Variants in CDH18 observed in about 807,000 individuals in gnomAD.
CDH18 encodes cadherin-18.
In CDH18, 31 loss-of-function variants were observed where a neutral mutation model predicts 67.9. That is an observed-to-expected ratio of 0.46 (90% CI 0.34 to 0.62). The LOEUF (loss-of-function observed/expected upper bound fraction) is 0.62, where lower values mean the gene tolerates loss of function less well. CDH18 is among the 20% of genes least tolerant of loss of function. The pLI, the probability that CDH18 is intolerant of heterozygous loss-of-function variation, is 0.01. For synonymous variants in CDH18, 362 were observed against 347.2 expected (o/e 1.04, Z -0.48); for missense variants, 890 against 975.5 (o/e 0.91, Z 1.17).
chr5:19,744,309 G>A (rs1346614282), intron 4 of CDH18, among the ~76,000 whole-genome samples: 2 of 152,040 alleles, frequency 1.3e-5, no homozygotes, highest in Non-Finnish European at 2.9e-5. Flanking sequence ...ATCTCAGTAA[G>A]AGAACTTAAG....
At chr5:20,240,283 G>T (rs553985087) in intron 2 of CDH18, among the ~76,000 whole-genome samples, 1,342 of 107,510 alleles carry the variant, frequency 0.012, 23 homozygotes, top group African/African-American at 0.039. Context: ...CTAAAAAAAA[G>T]TTGGCAATTA....
In CDH18 at chr5:20,374,514, C is replaced by A. The variant is rs548229449; in HGVS notation, c.-579-119009G>T. ...ATCTAAGGAATTCCCTAGTGTTTTA[C>A]AAAATATTGTAAAGGCTGAAACATT... On this transcript the variant is annotated intron_variant, in intron 1 of 14. Coordinates refer to the CDH18 transcript ENST00000507958. Among the ~76,000 whole-genome samples, 78 of 152,156 alleles carry A rather than the reference C, an allele frequency of 5.1e-4. No homozygotes were observed. The South Asian group carries it at 5.2e-3, about 10-fold the overall frequency.
intron 1 of CDH18, among the ~76,000 whole-genome samples, chr5:20,519,964 T>C (rs1178789929): frequency 1.1e-5 from 1 of 88,828 alleles, no homozygotes; most frequent in Non-Finnish European, 2.2e-5. Flanking sequence ...TTTTTTTTTT[T>C]TTTTTTTTTT....
intron 2 of CDH18, among the ~76,000 whole-genome samples, chr5:19,993,633 CAT>C (rs1561694231): frequency 6.6e-6 from 1 of 151,844 alleles, no homozygotes; most frequent in Admixed American, 6.6e-5. Context: ...GATATATACA[CAT>C]ATATATAGAG....
chr5:19,628,853 A>G (rs1041117231), intron 5 of CDH18, among the ~76,000 whole-genome samples: 1 of 152,128 alleles, frequency 6.6e-6, no homozygotes, highest in Non-Finnish European at 1.5e-5. Context: ...AAGAGGCTCA[A>G]ATACTGGATA....
chr5:20,173,814 T>C (rs1426728117), intron 2 of CDH18, among the ~76,000 whole-genome samples: 1 of 152,190 alleles, frequency 6.6e-6, no homozygotes, highest in African/African-American at 2.4e-5. Flanking sequence ...ATAGATAGAA[T>C]ATTTTCATTC....
At chr5:19,808,553 C>T (rs143976639) in intron 3 of CDH18, among the ~76,000 whole-genome samples, 64 of 151,966 alleles carry the variant, frequency 4.2e-4, no homozygotes, top group Non-Finnish European at 8.4e-4. Flanking sequence ...AGCCTGGATG[C>T]GGTGGCTCAC....
At chr5:20,341,544 C>CAT (rs34518300) in intron 1 of CDH18, among the ~76,000 whole-genome samples, 100,950 of 149,514 alleles carry the variant, frequency 0.68, 34,350 homozygotes, top group Non-Finnish European at 0.73. Context: ...TATTAGAGGG[C>CAT]ATATATATAT....
At chr5:20,095,644 T>C (rs1198913992) in intron 2 of CDH18, among the ~76,000 whole-genome samples, 1 of 150,550 alleles carries the variant, frequency 6.6e-6, no homozygotes, top group Admixed American at 6.6e-5. Flanking sequence ...GTAACATTCA[T>C]GGCCTGTAAA....
chr5:20,176,105 C>A (rs934449842), intron 2 of CDH18, among the ~76,000 whole-genome samples: 1 of 152,134 alleles, frequency 6.6e-6, no homozygotes, highest in Non-Finnish European at 1.5e-5. Flanking sequence ...TAATTCAGGG[C>A]TGACCTGAAT....
intron 6 of CDH18, among the ~76,000 whole-genome samples, chr5:19,607,527 C>CTTT (rs1748248631): frequency 6.7e-6 from 1 of 149,120 alleles, no homozygotes; most frequent in Non-Finnish European, 1.5e-5. Context: ...GAATGGAGGA[C>CTTT]AAAATGAATG....
intron 5 of CDH18, among the ~76,000 whole-genome samples, chr5:19,663,167 C>T (rs1424058051): frequency 6.6e-6 from 1 of 151,836 alleles, no homozygotes; most frequent in Non-Finnish European, 1.5e-5. Context: ...CTTCACATTG[C>T]TAATGGACAT....
intron 2 of CDH18, among the ~76,000 whole-genome samples, chr5:20,107,262 C>G (rs1435303069): frequency 6.6e-6 from 1 of 151,856 alleles, no homozygotes; most frequent in East Asian, 1.9e-4. Flanking sequence ...TTAGTAGAGA[C>G]ACGGGGTTTC....
intron 2 of CDH18, among the ~76,000 whole-genome samples, chr5:20,253,468 A>G (rs534788757): frequency 6.6e-6 from 1 of 152,342 alleles, no homozygotes; most frequent in South Asian, 2.1e-4. Flanking sequence ...AAACTCATCG[A>G]GATTCAGGAA....
At chr5:20,340,702 G>A (rs764317419) in intron 1 of CDH18, among the ~76,000 whole-genome samples, 13 of 152,182 alleles carry the variant, frequency 8.5e-5, no homozygotes, top group Non-Finnish European at 1.6e-4. Flanking sequence ...GATTCTGGAG[G>A]TTGAAGGGAG....
At chr5:19,643,325 A>T (rs553373523) in intron 5 of CDH18, among the ~76,000 whole-genome samples, 2 of 152,292 alleles carry the variant, frequency 1.3e-5, no homozygotes, top group South Asian at 4.1e-4. Flanking sequence ...CAGCAGTTTC[A>T]GTTCTGGATA....
At chr5:20,314,975 G>A (rs1163453573) in intron 1 of CDH18, among the ~76,000 whole-genome samples, 1 of 152,014 alleles carries the variant, frequency 6.6e-6, no homozygotes, top group Non-Finnish European at 1.5e-5. Flanking sequence ...TAAAATAGTA[G>A]CCACTGTGTT....
chr5:19,742,067 T>C (rs1769281500), intron 4 of CDH18, among the ~76,000 whole-genome samples: 1 of 152,180 alleles, frequency 6.6e-6, no homozygotes, highest in South Asian at 2.1e-4. Context: ...AAGACATGCT[T>C]TAGAAACCAC....
intron 1 of CDH18, among the ~76,000 whole-genome samples, chr5:20,379,535 C>G (rs1188716119): frequency 6.6e-6 from 1 of 152,046 alleles, no homozygotes; most frequent in African/African-American, 2.4e-5. Context: ...AACCATGAAA[C>G]ACACTAAATA....
Sources: allele counts gnomAD v4.1 joint callset (sites outside exome capture counted in the v4.1 genomes callset), GRCh38; gene constraint gnomAD v4.1.1; transcripts MANE v1.5; gene names NCBI Gene and HGNC (gene_info 2026-07-23, HGNC 2026-07-21).